EPHX3: variants seen among roughly 807,000 people sequenced by gnomAD.
EPHX3 encodes epoxide hydrolase 3.
Under a neutral mutation model 40.2 loss-of-function variants are expected in EPHX3, and 39 were observed. The observed-to-expected ratio is 0.97, with a 90% CI of 0.75 to 1.27. The LOEUF is 1.27. Among genes scored for constraint, EPHX3 ranks in the 50% most tolerant of loss-of-function variants. The pLI, the probability that EPHX3 is intolerant of heterozygous loss-of-function variation, is 0.00. For synonymous variants in EPHX3, 213 were observed against 209.7 expected, an observed-to-expected ratio of 1.02 and a Z score of -0.14; for missense variants, 442 against 474.0, an observed-to-expected ratio of 0.93 and a Z score of 0.63.
rs1431346632 is a variant in EPHX3, at chr19:15,231,085, A to T, written c.493T>A (p.Ser165Thr). The change falls in exon 4 of 7, where the codon TCG becomes ACG. Residue 165 changes from serine to threonine, a missense_variant. Coordinates refer to ENST00000221730, the MANE Select transcript of EPHX3 (RefSeq NM_024794.3). ...IKDVILGLGY[S>T]KCILVAHDWG... ...TCATGGGCCACAAGGATGCACTTCG[A>T]GTAACCTGTGGGAATTCAAGGAGCT... 9 of 1,614,012 alleles carry T rather than the reference A, an allele frequency of 5.6e-6. No individual in the cohort carries two copies. The highest frequency in any genetic ancestry group is 7.6e-6 in the Non-Finnish European group (9 of 1,179,984).
intron 6 of EPHX3, 47 bp downstream of exon 6, chr19:15,227,724 C>A (rs377692365): frequency 1.2e-6 from 2 of 1,610,322 alleles, no homozygotes; most frequent in Non-Finnish European, 8.5e-7. Flanking sequence ...CTCCCACCCC[C>A]CTGCCCCTGC....
chr19:15,230,752 C>T (rs559070978), intron 4 of EPHX3, among the ~76,000 whole-genome samples: 3 of 152,042 alleles, frequency 2.0e-5, no homozygotes, highest in Admixed American at 2.0e-4. Flanking sequence ...CTCAGCCTCC[C>T]GGAGGGCTGG....
intron 4 of EPHX3, among the ~76,000 whole-genome samples, chr19:15,229,575 G>C (rs916372458): frequency 7.0e-6 from 1 of 141,948 alleles, no homozygotes; most frequent in African/African-American, 2.6e-5. Flanking sequence ...GCACTGCACA[G>C]AGTGAGACTC....
chr19:15,231,865 G>C lies in EPHX3; in HGVS notation c.244-4C>G, dbSNP rs1447476305. 6.2e-7 allele frequency: 1 copy of C among 1,613,692 alleles called. No homozygotes were observed. Among genetic ancestry groups the C allele is most frequent in the East Asian group, 2.2e-5 (1 of 44,880 alleles). On this transcript the variant is annotated splice_polypyrimidine_tract_variant and splice_region_variant and intron_variant, in intron 1 of 6. Transcript: ENST00000221730. ...AGTGCAGACGCAGGCCCGAGCTCTAGGGGGAGGGCACAGCCTGAAGCCTGG... is the reference window on the plus strand; with the variant it reads ...AGTGCAGACGCAGGCCCGAGCTCTACGGGGAGGGCACAGCCTGAAGCCTGG...
upstream of EPHX3, among the ~76,000 whole-genome samples, chr19:15,233,855 GA>G (rs1431356093): frequency 6.6e-6 from 1 of 152,122 alleles, no homozygotes; most frequent in Non-Finnish European, 1.5e-5. Flanking sequence ...ACGAGGTCAG[GA>G]GATCGAGACC....
chr19:15,234,103 AACC>A (rs1460161779), upstream of EPHX3, among the ~76,000 whole-genome samples: 1 of 151,590 alleles, frequency 6.6e-6, no homozygotes, highest in Non-Finnish European at 1.5e-5. Context: ...CCTATTTTGC[AACC>A]TTCTCCCGAT....
Position 15,229,534 on chromosome 19 carries a change from G to A in EPHX3, c.616+1428C>T, listed in dbSNP as rs543297428. ...AGAGAATCACTTGAACCTGAGAGGC[G>A]GAGGTTGCCGTGAGCCGACATTGCG... On this transcript the variant is annotated intron_variant, in intron 4 of 6. Transcript: ENST00000221730. Among the ~76,000 whole-genome samples, 19 of 151,636 alleles carry A rather than the reference G, an allele frequency of 1.3e-4. No homozygotes were observed. In the South Asian group the frequency reaches 3.6e-3, roughly 28 times the overall value.
In EPHX3 at chr19:15,231,257, C is replaced by A. The variant is rs768788890; in HGVS notation, c.469G>T (p.Asp157Tyr). ...TCTGCACCCAGGCCTAGGATGACAT[C>A]TTTGATGTCCACCAGCAGCAGGTCG... ...TIDLLLVDIK[D>Y]VILGLGYSKC... The change falls in exon 3 of 7, where the codon GAT (aspartate) becomes TAT (tyrosine). Residue 157 changes from aspartate to tyrosine, a missense_variant. Coordinates refer to ENST00000221730, the MANE Select transcript of EPHX3 (RefSeq NM_024794.3). 4 of 1,614,012 alleles carry A rather than the reference C, an allele frequency of 2.5e-6. No homozygotes were observed. The highest frequency in any genetic ancestry group is 1.1e-5 in the South Asian group (1 of 91,088).
At chr19:15,231,112 G>A (rs2047150550) in intron 3 of EPHX3, 22 bp from the exon 4 acceptor site, 11 of 1,613,680 alleles carry the variant, frequency 6.8e-6, no homozygotes, top group South Asian at 4.4e-5. Context: ...CAAGGAGCTC[G>A]CATAAGTGAG....
At chr19:15,233,667 A>G (rs1318272937), upstream of EPHX3, among the ~76,000 whole-genome samples, 1 of 152,162 alleles carries the variant, frequency 6.6e-6, no homozygotes, top group Non-Finnish European at 1.5e-5. Flanking sequence ...CCGGCCTATG[A>G]ATGACTGGAG....
At chr19:15,234,265 A>G (rs1195092573), upstream of EPHX3, among the ~76,000 whole-genome samples, 1 of 152,234 alleles carries the variant, frequency 6.6e-6, no homozygotes, top group African/African-American at 2.4e-5. Context: ...CTTGTAAAAT[A>G]GCCATCCGCA....
Position 15,227,353 on chromosome 19 carries a change from G to T in EPHX3, c.*84C>A. On this transcript the variant is annotated 3_prime_UTR_variant, in exon 7 of 7. Coordinates refer to ENST00000221730, the MANE Select transcript of EPHX3 (RefSeq NM_024794.3). ...AAGAGTTCACCCATGTATGGACATT[G>T]TATGGACTCCCAGGCACACACAGAT... 8.7e-7 allele frequency: 1 copy of T among 1,146,996 alleles called. No individual in the cohort carries two copies. Among genetic ancestry groups the T allele is most frequent in the Non-Finnish European group, 1.3e-6 (1 of 771,588 alleles). The allele number at this position is 1,146,996 out of a possible 1,614,324, so 71.1% of individuals were successfully genotyped here.
At chr19:15,233,888 G>C (rs2047172371), upstream of EPHX3, among the ~76,000 whole-genome samples, 1 of 152,088 alleles carries the variant, frequency 6.6e-6, no homozygotes, top group Non-Finnish European at 1.5e-5. Context: ...GTGAAACCCT[G>C]TCTCTACTAA....
chr19:15,231,312 A>G lies in EPHX3; in HGVS notation c.414T>C (p.Asp138=), dbSNP rs751058591. ...TGTAGCAGTCCACATCCCGAGGTGCATCCGAGGGGCCATAGCCTCGCAAGT... is the reference window on the plus strand; with the variant it reads ...TGTAGCAGTCCACATCCCGAGGTGCGTCCGAGGGGCCATAGCCTCGCAAGT... ...AVDLRGYGPS[D]APRDVDCYTI... Residue 138 remains aspartate, a synonymous_variant, in exon 3 of 7, where the codon GAT becomes GAC. Transcript: ENST00000221730. 4.3e-6 allele frequency: 7 copies of G among 1,613,942 alleles called. No individual in the cohort carries two copies. The East Asian group carries it at 1.6e-4, about 36-fold the overall frequency.
chr19:15,231,150 G>T, intron 3 of EPHX3, 60 bp from the exon 4 acceptor site: 4 of 1,612,498 alleles, frequency 2.5e-6, no homozygotes, highest in Non-Finnish European at 3.4e-6. Context: ...AGCAGGGATG[G>T]GGGAAGTAGG....
chr19:15,229,885 C>CAAAAAAAAAAAAAAAAAAAAAAAAA (rs546876108), intron 4 of EPHX3, among the ~76,000 whole-genome samples: 18 of 9,370 alleles, frequency 1.9e-3, no homozygotes, highest in African/African-American at 2.8e-3. Context: ...GACTCTGTCT[C>CAAAAAAAAAAAAAAAAAAAAAAAAA]AAAAAAAAAA....
rs371360058 is a variant in EPHX3, at chr19:15,232,221, C to A, written c.-10G>T. ...CCACCAGCTCCGGCATGTCGCCGCG[C>A]TCCGGGACCACGGCGGCGCTGCCGG... is the stretch of plus-strand genomic sequence containing the variant. On this transcript the variant is annotated 5_prime_UTR_variant, in exon 1 of 7. Transcript: ENST00000221730. The A allele has an allele frequency of 2.7e-5, 40 of 1,489,974 alleles. No individual in the cohort carries two copies. In the South Asian group the frequency reaches 4.9e-4, roughly 18 times the overall value. 92.3% of individuals were successfully genotyped at this position (1,489,974 alleles called of 1,614,324 possible).
chr19:15,234,994 G>C (rs949433303), upstream of EPHX3, among the ~76,000 whole-genome samples: 5 of 151,954 alleles, frequency 3.3e-5, no homozygotes, highest in Non-Finnish European at 5.9e-5. Flanking sequence ...AAAGCTTTGG[G>C]GGTTTTTTTG....
In EPHX3 at chr19:15,228,503, ATTTTTTTTTTTT is replaced by A. The variant is rs780716729; in HGVS notation, c.617-415_617-404del. On this transcript the variant is annotated intron_variant, in intron 4 of 6. Transcript: ENST00000221730. ...ACTTAAGGAAACCCCTGTATCTATA[ATTTTTTTTTTTT>A]TTTTTTTTTTTTTTTTTTTTTGAGA... 6.7e-4 allele frequency among the ~76,000 whole-genome samples: 42 copies of A among 62,746 alleles called. No homozygotes were observed. In the South Asian group the frequency reaches 8.7e-3, roughly 13 times the overall value. The allele number at this position is 62,746 out of a possible 152,430, so 41.2% of individuals were successfully genotyped here.
Sources: allele counts gnomAD v4.1 joint callset (sites outside exome capture counted in the v4.1 genomes callset), GRCh38; gene constraint gnomAD v4.1.1; transcripts MANE v1.5; gene names NCBI Gene and HGNC (gene_info 2026-07-23, HGNC 2026-07-21).